AGBL4: variants seen among roughly 807,000 people sequenced by gnomAD.
AGBL4 encodes cytosolic carboxypeptidase 6.
Under a neutral mutation model 66.4 loss-of-function variants are expected in AGBL4, and 58 were observed. That is an observed-to-expected ratio of 0.87 (90% CI 0.71 to 1.09). AGBL4 has a LOEUF of 1.09. Ranked by LOEUF, AGBL4 falls within the 50% of genes least tolerant of loss-of-function variation. AGBL4 has a pLI of 0.00. For missense variants in AGBL4, 579 were observed against 631.0 expected (o/e 0.92, Z 0.88); for synonymous variants, 234 against 222.9 (o/e 1.05, Z -0.44).
chr1:49,692,274 ATAAG>A (rs1222078195), intron 3 of AGBL4, among the ~76,000 whole-genome samples: 6 of 152,220 alleles, frequency 3.9e-5, no homozygotes, highest in Non-Finnish European at 7.3e-5. Flanking sequence ...AAAACGGCTC[ATAAG>A]TAAGAGTCAG....
At chr1:49,533,913 G>A (rs1019562343) in intron 3 of AGBL4, among the ~76,000 whole-genome samples, 4 of 152,024 alleles carry the variant, frequency 2.6e-5, no homozygotes, top group East Asian at 1.9e-4. Context: ...TGTGAGTCAC[G>A]CTGCAGGTTG....
rs1049200603 is a variant in AGBL4, at chr1:48,855,953, A to G, written c.634+11238T>C. Among the ~76,000 whole-genome samples the G allele has an allele frequency of 1.3e-5, 2 of 152,286 alleles. 1 individual carries two copies. Among genetic ancestry groups the G allele is most frequent in the South Asian group, 4.1e-4 (2 of 4,824 alleles). ...AAGGTAGAGAAACAAGAATCAAGTT[A>G]AATATCCAACATTATTGACATGGGA... is the stretch of plus-strand genomic sequence containing the variant. On this transcript the variant is annotated intron_variant, in intron 6 of 13. Coordinates refer to ENST00000371839, the MANE Select transcript of AGBL4 (RefSeq NM_032785.4).
chr1:49,655,559 T>C (rs1035324811), intron 3 of AGBL4, among the ~76,000 whole-genome samples: 1 of 152,170 alleles, frequency 6.6e-6, no homozygotes, highest in Admixed American at 6.5e-5. Flanking sequence ...AAGCAGTGTG[T>C]AGAGGGAAAT....
intron 10 of AGBL4, among the ~76,000 whole-genome samples, chr1:48,589,616 C>T (rs1289466256): frequency 6.6e-6 from 1 of 152,222 alleles, no homozygotes; most frequent in African/African-American, 2.4e-5. Context: ...CCCACAGCCT[C>T]TCTAGTTCTC....
chr1:49,278,164 T>A (rs1200717568), intron 3 of AGBL4, among the ~76,000 whole-genome samples: 1 of 152,158 alleles, frequency 6.6e-6, no homozygotes, highest in East Asian at 1.9e-4. Flanking sequence ...ACTCTAAAGC[T>A]GTAGCTCTAT....
At chr1:49,265,708 T>C (rs1267555090) in intron 3 of AGBL4, among the ~76,000 whole-genome samples, 2 of 152,170 alleles carry the variant, frequency 1.3e-5, no homozygotes, top group African/African-American at 4.8e-5. Context: ...AAAGACTACA[T>C]ATATATGTAT....
intron 9 of AGBL4, among the ~76,000 whole-genome samples, chr1:48,620,052 C>T (rs886161378): frequency 3.3e-5 from 5 of 152,146 alleles, no homozygotes; most frequent in Non-Finnish European, 1.5e-5. Context: ...TCGGCTTGCC[C>T]TCCGAAGGTT....
chr1:49,996,806 T>C (rs1382234892), intron 1 of AGBL4, among the ~76,000 whole-genome samples: 1 of 152,164 alleles, frequency 6.6e-6, no homozygotes, highest in Admixed American at 6.5e-5. Flanking sequence ...TTAACAGCTA[T>C]GAGGCAAAAG....
chr1:48,674,420 G>C (rs993042210), intron 6 of AGBL4, among the ~76,000 whole-genome samples: 1 of 151,870 alleles, frequency 6.6e-6, no homozygotes, highest in Admixed American at 6.6e-5. Flanking sequence ...ACCCAGGTCT[G>C]GTTAACGTTA....
At position 49,480,783 on chromosome 1, in the gene AGBL4, G is replaced by A. The variant is rs149166378; in HGVS notation, c.282+216530C>T. Among the ~76,000 whole-genome samples, 1,215 of 152,050 alleles carry A rather than the reference G, an allele frequency of 8.0e-3. 51 individuals are homozygous for A. The highest frequency in any genetic ancestry group is 0.059 in the Admixed American group (901 of 15,272). On this transcript the variant is annotated intron_variant, in intron 3 of 13. Transcript: ENST00000371839. ...TTATAGTTCTGGGTTTTACATTTAC[G>A]TCTTTAATCCATCTTGAGTTAATTT...
chr1:49,822,054 A>G (rs1645383128), intron 2 of AGBL4, among the ~76,000 whole-genome samples: 1 of 152,166 alleles, frequency 6.6e-6, no homozygotes, highest in African/African-American at 2.4e-5. Context: ...TGGATTGGGG[A>G]GGATGAGATT....
chr1:49,366,184 C>T (rs879850549), intron 3 of AGBL4, among the ~76,000 whole-genome samples: 10 of 152,154 alleles, frequency 6.6e-5, no homozygotes, highest in Admixed American at 2.6e-4. Context: ...TGCCTGTCTC[C>T]TCTGGGACCT....
intron 6 of AGBL4, among the ~76,000 whole-genome samples, chr1:48,842,980 G>A (rs1479340637): frequency 6.6e-6 from 1 of 152,086 alleles, no homozygotes; most frequent in Admixed American, 6.6e-5. Context: ...CAAATTCATA[G>A]ACACAGAAAG....
intron 3 of AGBL4, among the ~76,000 whole-genome samples, chr1:49,317,442 A>G (rs1485236578): frequency 2.0e-5 from 3 of 151,892 alleles, no homozygotes; most frequent in Non-Finnish European, 4.4e-5. Context: ...ATAAACATTT[A>G]ATATTATTAA....
chr1:49,615,815 C>T (rs1422712693), intron 3 of AGBL4, among the ~76,000 whole-genome samples: 1 of 152,054 alleles, frequency 6.6e-6, no homozygotes, highest in Non-Finnish European at 1.5e-5. Context: ...TACCTATGTG[C>T]AAAGCACTAT....
At chr1:48,786,834 C>G (rs1645418881) in intron 6 of AGBL4, among the ~76,000 whole-genome samples, 1 of 96,400 alleles carries the variant, frequency 1.0e-5, no homozygotes, top group African/African-American at 5.6e-5. Flanking sequence ...AACTGGATAG[C>G]CCCAGTCAGA....
At chr1:48,784,050 G>C (rs913131031) in intron 6 of AGBL4, among the ~76,000 whole-genome samples, 3 of 152,074 alleles carry the variant, frequency 2.0e-5, no homozygotes, top group African/African-American at 7.2e-5. Flanking sequence ...TCCAAATCCT[G>C]GTCTGATAAG....
intron 3 of AGBL4, among the ~76,000 whole-genome samples, chr1:49,598,112 C>T (rs1158732027): frequency 1.3e-5 from 2 of 152,128 alleles, no homozygotes; most frequent in African/African-American, 4.8e-5. Context: ...AAAGGGAGTG[C>T]TTCCAGTTTT....
intron 9 of AGBL4, among the ~76,000 whole-genome samples, chr1:48,630,043 C>G (rs1557839856): frequency 6.6e-6 from 1 of 152,132 alleles, no homozygotes; most frequent in Non-Finnish European, 1.5e-5. Flanking sequence ...TTAACCAGAC[C>G]CTTTCCCTGG....
Sources: allele counts gnomAD v4.1 joint callset (sites outside exome capture counted in the v4.1 genomes callset), GRCh38; gene constraint gnomAD v4.1.1; transcripts MANE v1.5; gene names NCBI Gene and HGNC (gene_info 2026-07-23, HGNC 2026-07-21).